Variants in HEPH observed in about 807,000 individuals in gnomAD.
The protein encoded by HEPH is hephaestin.
HEPH carries 69 observed loss-of-function variants against 80.8 expected under a neutral mutation model. The ratio of observed to expected loss-of-function variants is 0.85; its 90% CI spans 0.70 to 1.04. The LOEUF (loss-of-function observed/expected upper bound fraction) is 1.04. Among genes scored for constraint, HEPH ranks in the 50% least tolerant of loss-of-function variants. HEPH has a pLI of 0.00. For missense variants in HEPH, 1,115 were observed against 891.3 expected (o/e 1.25, Z -3.20); for synonymous variants, 431 against 322.8 (o/e 1.34, Z -3.60).
intron 15 of HEPH, among the ~76,000 whole-genome samples, chrX:66,251,769 TAAG>T (rs990250278): frequency 9.0e-6 from 1 of 111,554 alleles, no homozygotes; most frequent in African/African-American, 3.3e-5. Context: ...TAAGGAATAA[TAAG>T]AAGACAGTGT....
chrX:66,164,523 A>G, intron 1 of HEPH, 53 bp downstream of exon 1: 1 of 736,454 alleles, frequency 1.4e-6, no homozygotes, highest in Non-Finnish European at 1.6e-6. Flanking sequence ...CTTCCTGTGC[A>G]AAAACGTTTA....
chrX:66,259,993 A>C, intron 18 of HEPH, 107 bp from the exon 19 acceptor site: 1 of 613,943 alleles, frequency 1.6e-6, no homozygotes. Flanking sequence ...GGAACCTTGA[A>C]GTCTCAGCTC....
chrX:66,219,016 C>T (rs1296428408), intron 15 of HEPH, among the ~76,000 whole-genome samples: 1 of 111,829 alleles, frequency 8.9e-6, no homozygotes, highest in Non-Finnish European at 1.9e-5. Flanking sequence ...CTCCCTTATT[C>T]CCCCACTTTG....
At chrX:66,264,616 G>A (rs73525335) in intron 20 of HEPH, among the ~76,000 whole-genome samples, 2,985 of 108,316 alleles carry the variant, frequency 0.028, 108 homozygotes, top group African/African-American at 0.096. Flanking sequence ...GAGATAATTA[G>A]TAGTTTAGTC....
rs1215624671 is a variant in HEPH, at chrX:66,266,967, A to G, written c.*295A>G. The G allele has an allele frequency of 8.1e-6, 2 of 245,871 alleles. No homozygotes were observed. The highest frequency in any genetic ancestry group is 1.4e-5 in the Non-Finnish European group (2 of 138,418). 20.3% of individuals were successfully genotyped at this position (245,871 alleles called of 1,213,427 possible). A position where few individuals can be genotyped will look rare whatever the true frequency, so the allele number is the denominator to read the frequency against. Reference sequence around the variant, plus strand: ...TATTTCCTTCTGACACTTGGAAGGTATTGAAATTTCTAGAAATGTATCCTT... The same window carrying G: ...TATTTCCTTCTGACACTTGGAAGGTGTTGAAATTTCTAGAAATGTATCCTT... On this transcript the variant is annotated 3_prime_UTR_variant, in exon 21 of 21. Coordinates refer to ENST00000343002, the MANE Select transcript of HEPH (RefSeq NM_001367233.3).
intron 7 of HEPH, 47 bp from the exon 8 acceptor site, chrX:66,193,455 T>C: frequency 1.1e-6 from 1 of 949,364 alleles, no homozygotes. Flanking sequence ...TGGGAGTCTA[T>C]TTGATACCTA....
intron 15 of HEPH, among the ~76,000 whole-genome samples, chrX:66,230,773 G>T (rs1191191029): frequency 2.5e-4 from 26 of 104,773 alleles, no homozygotes; most frequent in East Asian, 8.8e-4. Flanking sequence ...AGAAGCTCTT[G>T]AGTTTAATTA....
intron 15 of HEPH, among the ~76,000 whole-genome samples, chrX:66,217,962 A>G (rs1430736606): frequency 8.9e-6 from 1 of 111,968 alleles, no homozygotes. Flanking sequence ...TTATATAATA[A>G]TAAAAGGACT....
intron 15 of HEPH, among the ~76,000 whole-genome samples, chrX:66,230,804 T>C (rs201178266): frequency 9.0e-5 from 9 of 100,327 alleles, no homozygotes; most frequent in African/African-American, 3.3e-4. Context: ...GTCAATTTTG[T>C]CTTTTGTTGC....
intron 18 of HEPH, among the ~76,000 whole-genome samples, chrX:66,259,651 A>T (rs770812007): frequency 9.1e-6 from 1 of 110,448 alleles, no homozygotes; most frequent in East Asian, 2.9e-4. Flanking sequence ...AAGAGGAGAA[A>T]GTCACCTCTG....
chrX:66,183,595 T>G lies in HEPH; in HGVS notation c.626-4764T>G, dbSNP rs1456654433. 2.0e-4 allele frequency among the ~76,000 whole-genome samples: 9 copies of G among 44,608 alleles called. 1 individual carries two copies. The highest frequency in any genetic ancestry group is 2.9e-4 in the Non-Finnish European group (9 of 30,613). 38.7% of individuals were successfully genotyped at this position (44,608 alleles called of 115,157 possible). On this transcript the variant is annotated intron_variant, in intron 4 of 20. Coordinates refer to ENST00000343002, the MANE Select transcript of HEPH (RefSeq NM_001367233.3). The stretch of plus-strand genomic sequence containing the variant: ...TGTCTATTTGATTCTTCTCTCTTTT[T>G]TTCTTTATTAGTCTTGCTAGCGGTC...
intron 2 of HEPH, 77 bp downstream of exon 2, chrX:66,170,814 C>G: frequency 1.1e-6 from 1 of 911,791 alleles, no homozygotes; most frequent in Non-Finnish European, 1.5e-6. Context: ...CTCTTGAGGC[C>G]CCTTTCCCAG....
chrX:66,215,444 C>G (rs2089343880), intron 15 of HEPH, among the ~76,000 whole-genome samples: 1 of 111,280 alleles, frequency 9.0e-6, no homozygotes, highest in Non-Finnish European at 1.9e-5. Flanking sequence ...CAACTTTCTC[C>G]CAATCTCAAG....
At chrX:66,263,813 C>T in intron 20 of HEPH, 125 bp downstream of exon 20, 8 of 621,913 alleles carry the variant, frequency 1.3e-5, no homozygotes, top group Non-Finnish European at 1.7e-5. Flanking sequence ...CAGAAAGTAT[C>T]CTGAGACTTC....
rs771425432 is a variant in HEPH at position 66,173,647 on chromosome X, G to A, written c.471G>A (p.Pro157=). The A allele has an allele frequency of 1.7e-5, 20 of 1,207,874 alleles. No individual in the cohort carries two copies. The highest frequency in any genetic ancestry group is 8.8e-5 in the South Asian group (5 of 56,550). ...TGAAAGCTGATGACTCTGTTCCCCC[G>A]GGGGGCAGCCATATCTACAACTGGA... ...GPLKADDSVP[P]GGSHIYNWTI... Residue 157 remains proline, a synonymous_variant, in exon 4 of 21, where the codon CCG becomes CCA. Transcript: ENST00000343002.
At chrX:66,249,319 A>G (rs916106817) in intron 15 of HEPH, among the ~76,000 whole-genome samples, 11 of 112,267 alleles carry the variant, frequency 9.8e-5, no homozygotes, top group Non-Finnish European at 1.9e-4. Context: ...TTTCATATAT[A>G]CAATGGAATT....
At chrX:66,183,190 T>C (rs1429941099) in intron 4 of HEPH, among the ~76,000 whole-genome samples, 11 of 11,669 alleles carry the variant, frequency 9.4e-4, no homozygotes, top group Non-Finnish European at 9.2e-4. Flanking sequence ...TGCCCAGCTT[T>C]GGTATCAGAA....
chrX:66,168,337 T>C (rs1372651731), intron 1 of HEPH, among the ~76,000 whole-genome samples: 1 of 112,310 alleles, frequency 8.9e-6, no homozygotes, highest in African/African-American at 3.2e-5. Flanking sequence ...TAGTTACTAC[T>C]GCCTACTATG....
At chrX:66,230,374 T>C (rs2090076851) in intron 15 of HEPH, among the ~76,000 whole-genome samples, 1 of 103,640 alleles carries the variant, frequency 9.6e-6, no homozygotes, top group Admixed American at 1.0e-4. Flanking sequence ...ATGGTTGAAC[T>C]AGTTTACAGT....
Sources: gnomAD v4.1 joint callset for allele counts (sites outside exome capture counted in the v4.1 genomes callset) on GRCh38, gnomAD v4.1.1 for gene constraint, MANE v1.5 for transcripts, NCBI Gene and HGNC (gene_info 2026-07-23, HGNC 2026-07-21) for gene names.